CAPN3: variants seen among roughly 807,000 people sequenced by gnomAD.
CAPN3 encodes calpain 3.
Under a neutral mutation model 114.0 loss-of-function variants are expected in CAPN3, and 88 were observed. The observed-to-expected ratio is 0.77, with a 90% CI of 0.65 to 0.92. The LOEUF is 0.92. Ranked by LOEUF, CAPN3 falls within the 40% of genes least tolerant of loss-of-function variation. The pLI, the probability that CAPN3 is intolerant of heterozygous loss-of-function variation, is 0.00. For synonymous variants in CAPN3, 386 were observed against 382.9 expected, an observed-to-expected ratio of 1.01 and a Z score of -0.09; for missense variants, 1,028 against 1,069.0, an observed-to-expected ratio of 0.96 and a Z score of 0.53.
intron 17 of CAPN3, 41 bp from the exon 18 acceptor site, chr15:42,409,746 T>G (rs779912644): frequency 6.4e-7 from 1 of 1,561,700 alleles, no homozygotes; most frequent in African/African-American, 1.4e-5. Context: ...CAGGAGCTGC[T>G]GTACTCCTGA....
At chr15:42,383,808 A>T (rs2053310953) in intron 1 of CAPN3, among the ~76,000 whole-genome samples, 1 of 151,508 alleles carries the variant, frequency 6.6e-6, no homozygotes, top group African/African-American at 2.4e-5. Flanking sequence ...CCTGACCTCA[A>T]GTGATCCACC....
chr15:42,375,253 G>A (rs1469269632), intron 1 of CAPN3, among the ~76,000 whole-genome samples: 3 of 151,950 alleles, frequency 2.0e-5, no homozygotes, highest in African/African-American at 7.3e-5. Context: ...GGAAGGTGGT[G>A]AACAGTAAAG....
intron 9 of CAPN3, among the ~76,000 whole-genome samples, chr15:42,398,438 G>A (rs904636834): frequency 1.3e-5 from 2 of 152,002 alleles, no homozygotes; most frequent in Non-Finnish European, 1.5e-5. Flanking sequence ...ACAAAAATTA[G>A]CCAGGTGTGG....
chr15:42,375,148 C>G (rs2053056138), intron 1 of CAPN3, among the ~76,000 whole-genome samples: 1 of 151,656 alleles, frequency 6.6e-6, no homozygotes, highest in Non-Finnish European at 1.5e-5. Context: ...TCCATTTCAC[C>G]TGGTCTCATG....
At chr15:42,395,709 G>A (rs2053670855) in intron 8 of CAPN3, among the ~76,000 whole-genome samples, 1 of 152,150 alleles carries the variant, frequency 6.6e-6, no homozygotes. Context: ...GCCATCACAG[G>A]GGCTGGAGAC....
intron 1 of CAPN3, among the ~76,000 whole-genome samples, chr15:42,373,877 A>T (rs955590470): frequency 2.0e-5 from 3 of 152,218 alleles, no homozygotes; most frequent in African/African-American, 7.2e-5. Flanking sequence ...TTAGTATATC[A>T]GAAGGCCCCA....
intron 1 of CAPN3, among the ~76,000 whole-genome samples, chr15:42,367,849 T>G (rs2052828415): frequency 6.6e-6 from 1 of 152,188 alleles, no homozygotes; most frequent in South Asian, 2.1e-4. Context: ...TAAACAGAGA[T>G]AGGAGTCTCA....
intron 8 of CAPN3, among the ~76,000 whole-genome samples, chr15:42,394,885 A>C (rs2053648750): frequency 1.3e-5 from 2 of 152,136 alleles, no homozygotes; most frequent in South Asian, 4.1e-4. Flanking sequence ...AAACATGCGA[A>C]GTTATTATGA....
chr15:42,379,147 A>G (rs2053171559), intron 1 of CAPN3, among the ~76,000 whole-genome samples: 1 of 152,116 alleles, frequency 6.6e-6, no homozygotes, highest in African/African-American at 2.4e-5. Context: ...CTCCGTCTCT[A>G]CTAAAAATAC....
chr15:42,397,894 T>G (rs2053747291), intron 9 of CAPN3, among the ~76,000 whole-genome samples: 1 of 152,078 alleles, frequency 6.6e-6, no homozygotes, highest in African/African-American at 2.4e-5. Context: ...TGGTGGCGTG[T>G]GCCTGTAGTC....
At chr15:42,387,300 G>A (rs1396459410) in intron 3 of CAPN3, among the ~76,000 whole-genome samples, 3 of 152,140 alleles carry the variant, frequency 2.0e-5, no homozygotes, top group Non-Finnish European at 4.4e-5. Flanking sequence ...TTGTTCCTCC[G>A]TTTCAATCCT....
chr15:42,377,124 GTT>G (rs140331166), intron 1 of CAPN3, among the ~76,000 whole-genome samples: 1 of 148,592 alleles, frequency 6.7e-6, no homozygotes. Flanking sequence ...AATAAAGATA[GTT>G]TTTTTTTTGT....
At chr15:42,390,365 T>G (rs2053522572) in intron 6 of CAPN3, among the ~76,000 whole-genome samples, 3 of 152,250 alleles carry the variant, frequency 2.0e-5, no homozygotes, top group African/African-American at 4.8e-5. Context: ...ACAGAAATAC[T>G]TGTAAAGATA....
chr15:42,410,790 C>A, intron 21 of CAPN3, 94 bp from the exon 22 acceptor site: 1 of 1,374,910 alleles, frequency 7.3e-7, no homozygotes, highest in Non-Finnish European at 1.0e-6. Context: ...ACTTTCCCTT[C>A]CCAGGTCACA....
rs1281847019 is a variant in CAPN3 at position 42,411,271 on chromosome 15, G to T, written c.2381-16G>T. 1.2e-6 allele frequency: 2 copies of T among 1,613,090 alleles called. No individual in the cohort carries two copies. The highest frequency in any genetic ancestry group is 1.7e-6 in the Non-Finnish European group (2 of 1,179,106). On this transcript the variant is annotated splice_polypyrimidine_tract_variant and intron_variant, in intron 22 of 23. Coordinates refer to ENST00000397163, the MANE Select transcript of CAPN3 (RefSeq NM_000070.3). Reference sequence around the variant, plus strand: ...TGCGCCTGTAACTGGCCTCTGGCCTGTGCATTCTTTCACAGGAGCTTTTCA... The same window carrying T: ...TGCGCCTGTAACTGGCCTCTGGCCTTTGCATTCTTTCACAGGAGCTTTTCA...
chr15:42,409,912 C>T lies in CAPN3; in HGVS notation c.2051-19C>T. On this transcript the variant is annotated intron_variant, in intron 18 of 23. Coordinates refer to ENST00000397163, the MANE Select transcript of CAPN3 (RefSeq NM_000070.3). ...CCCGTTGTCTCAAAGCAGCTCCTCA[C>T]TCTTCTCCATCCCCCCAGACAAGGA... The T allele has an allele frequency of 6.2e-7, 1 of 1,612,798 alleles. No individual in the cohort carries two copies.
At chr15:42,375,372 C>T (rs1235266969) in intron 1 of CAPN3, among the ~76,000 whole-genome samples, 2 of 152,102 alleles carry the variant, frequency 1.3e-5, no homozygotes, top group Non-Finnish European at 2.9e-5. Context: ...AGCCAGACTC[C>T]TTACGGGATG....
chr15:42,385,648 G>A (rs749175711), intron 2 of CAPN3: 17 of 516,896 alleles, frequency 3.3e-5, no homozygotes, highest in Non-Finnish European at 5.4e-5. Context: ...AGCTCATTCC[G>A]TTGCCAGCAA....
Position 42,389,002 on chromosome 15 carries a change from C to A in CAPN3, c.707C>A (p.Ala236Glu). Reference protein sequence around the residue: ...EAMEDFTGGVAEFFEIRDAPS... With the variant: ...EAMEDFTGGVEEFFEIRDAPS... ...ATGGAGGACTTCACAGGAGGGGTGG[C>A]AGAGTTTTTTGAGATCAGGGATGCT... Residue 236 changes from alanine to glutamate, a missense_variant, in exon 5 of 24, where the codon GCA (alanine) becomes GAA (glutamate). Coordinates refer to ENST00000397163, the MANE Select transcript of CAPN3 (RefSeq NM_000070.3). The A allele has an allele frequency of 5.0e-6, 8 of 1,613,998 alleles. No individual in the cohort carries two copies. The highest frequency in any genetic ancestry group is 6.8e-6 in the Non-Finnish European group (8 of 1,179,968).
Sources: gnomAD v4.1 joint callset for allele counts (sites outside exome capture counted in the v4.1 genomes callset) on GRCh38, gnomAD v4.1.1 for gene constraint, MANE v1.5 for transcripts, NCBI Gene and HGNC (gene_info 2026-07-23, HGNC 2026-07-21) for gene names.